Variants in MNAT1 observed in about 807,000 individuals in gnomAD.
MNAT1 encodes CDK-activating kinase assembly factor MAT1.
In MNAT1, 43 loss-of-function variants were observed where a neutral mutation model predicts 42.0. That is an observed-to-expected ratio of 1.02 (90% confidence interval 0.80 to 1.32). The LOEUF (loss-of-function observed/expected upper bound fraction) is 1.32. MNAT1 is among the 40% of genes most tolerant of loss of function. MNAT1 has a pLI of 0.00. For missense variants in MNAT1, 306 were observed against 350.4 expected (o/e 0.87, Z 1.01); for synonymous variants, 118 against 120.0 (o/e 0.98, Z 0.11).
At chr14:60,874,474 A>T (rs1188119063) in intron 6 of MNAT1, among the ~76,000 whole-genome samples, 1 of 150,984 alleles carries the variant, frequency 6.6e-6, no homozygotes, top group African/African-American at 2.4e-5. Flanking sequence ...TCTTTTATTG[A>T]TTCTTCCTCT....
At chr14:60,765,148 G>A (rs2030763370) in intron 1 of MNAT1, among the ~76,000 whole-genome samples, 1 of 152,194 alleles carries the variant, frequency 6.6e-6, no homozygotes, top group Non-Finnish European at 1.5e-5. Flanking sequence ...CTACTTGGGA[G>A]GCTGAGACAT....
chr14:60,820,760 G>A (rs950672096), intron 6 of MNAT1, among the ~76,000 whole-genome samples: 1 of 151,724 alleles, frequency 6.6e-6, no homozygotes, highest in Non-Finnish European at 1.5e-5. Context: ...TAAGCCTTTG[G>A]GTGGTTTCCT....
At chr14:60,915,145 A>C (rs1432533118) in intron 7 of MNAT1, among the ~76,000 whole-genome samples, 1 of 152,122 alleles carries the variant, frequency 6.6e-6, no homozygotes, top group Non-Finnish European at 1.5e-5. Context: ...TACTCTGCCC[A>C]GCTTCTAAAT....
intron 6 of MNAT1, among the ~76,000 whole-genome samples, chr14:60,825,111 A>G (rs1022197042): frequency 6.6e-6 from 1 of 152,180 alleles, no homozygotes; most frequent in African/African-American, 2.4e-5. Flanking sequence ...TAACTCATAT[A>G]TGTGATCTAG....
chr14:60,920,524 A>C (rs985102711), intron 7 of MNAT1, among the ~76,000 whole-genome samples: 1 of 152,006 alleles, frequency 6.6e-6, no homozygotes, highest in Non-Finnish European at 1.5e-5. Flanking sequence ...GGTGCAAGCA[A>C]TTCTCCTGCC....
At chr14:60,922,521 G>T (rs2035682735) in intron 7 of MNAT1, among the ~76,000 whole-genome samples, 1 of 151,810 alleles carries the variant, frequency 6.6e-6, no homozygotes, top group Non-Finnish European at 1.5e-5. Flanking sequence ...TTTATTTTTT[G>T]GCCTTTTGTT....
At chr14:60,779,987 C>A in intron 1 of MNAT1, 1 of 1,562,692 alleles carries the variant, frequency 6.4e-7, no homozygotes, top group Non-Finnish European at 8.8e-7. Flanking sequence ...CATGGCGCTG[C>A]AGCTCTCCCG....
At chr14:60,842,993 G>A (rs2033590535) in intron 6 of MNAT1, among the ~76,000 whole-genome samples, 1 of 152,146 alleles carries the variant, frequency 6.6e-6, no homozygotes, top group Non-Finnish European at 1.5e-5. Flanking sequence ...AAACTTGTAA[G>A]TCAAACCGTC....
chr14:60,964,868 A>G lies in MNAT1; in HGVS notation c.810-3361A>G, dbSNP rs117099027. Reference sequence around the variant, plus strand: ...ACTAAATTTTCATTGTGCTGTTTCAATGTGGCAGATTCTTTAAAATACTTC... The same window carrying G: ...ACTAAATTTTCATTGTGCTGTTTCAGTGTGGCAGATTCTTTAAAATACTTC... On this transcript the variant is annotated intron_variant, in intron 7 of 7. Transcript: ENST00000261245. 1.1e-3 allele frequency among the ~76,000 whole-genome samples: 170 copies of G among 152,366 alleles called. 1 individual carries two copies. In the East Asian group the frequency reaches 0.023, roughly 21 times the overall value.
At chr14:60,826,960 G>T (rs2033073733) in intron 6 of MNAT1, among the ~76,000 whole-genome samples, 1 of 151,832 alleles carries the variant, frequency 6.6e-6, no homozygotes, top group South Asian at 2.1e-4. Flanking sequence ...TTGGGAACAA[G>T]CGAAGGCACA....
At chr14:60,735,011 C>G in intron 1 of MNAT1, 60 bp downstream of exon 1, 1 of 1,507,310 alleles carries the variant, frequency 6.6e-7, no homozygotes. Flanking sequence ...AGGAGAGGAC[C>G]GGGAGATGCT....
intron 1 of MNAT1, among the ~76,000 whole-genome samples, chr14:60,794,045 GT>G (rs2031919290): frequency 1.3e-5 from 2 of 152,044 alleles, no homozygotes; most frequent in Admixed American, 6.6e-5. Flanking sequence ...AAATATTAAT[GT>G]TCTATATTAC....
intron 7 of MNAT1, among the ~76,000 whole-genome samples, chr14:60,891,643 G>A (rs948633711): frequency 1.3e-5 from 2 of 152,008 alleles, no homozygotes; most frequent in South Asian, 2.1e-4. Flanking sequence ...AGTAGAGACC[G>A]GGTTTTACCA....
intron 3 of MNAT1, among the ~76,000 whole-genome samples, chr14:60,801,932 A>G (rs939576542): frequency 9.9e-5 from 15 of 152,242 alleles, no homozygotes; most frequent in Non-Finnish European, 1.9e-4. Context: ...ACCATGGAAT[A>G]CTTCAGCCTT....
chr14:60,818,965 C>A, intron 6 of MNAT1, 118 bp downstream of exon 6: 3 of 1,190,600 alleles, frequency 2.5e-6, no homozygotes, highest in Non-Finnish European at 3.5e-6. Context: ...AGTGTCTGAT[C>A]TAGTTTTAGG....
At chr14:60,754,574 C>T (rs1375753566) in intron 1 of MNAT1, among the ~76,000 whole-genome samples, 1 of 152,048 alleles carries the variant, frequency 6.6e-6, no homozygotes, top group Non-Finnish European at 1.5e-5. Flanking sequence ...TGGTCTCGAT[C>T]TCCTGACCTT....
In MNAT1 at chr14:60,870,395, C is replaced by T. The variant is rs549393441; in HGVS notation, c.688-9319C>T. Among the ~76,000 whole-genome samples, 4 of 152,174 alleles carry T rather than the reference C, an allele frequency of 2.6e-5. No homozygotes were observed. In the East Asian group the frequency reaches 7.7e-4, roughly 29 times the overall value. Reference sequence around the variant, plus strand: ...TGTGGTTCTTCTCACTACATTTTTACTTTTAAAGCCTTATTTCTTTATCAA... The same window carrying T: ...TGTGGTTCTTCTCACTACATTTTTATTTTTAAAGCCTTATTTCTTTATCAA... On this transcript the variant is annotated intron_variant, in intron 6 of 7. Transcript: ENST00000261245.
chr14:60,904,182 T>C (rs1390038756), intron 7 of MNAT1, among the ~76,000 whole-genome samples: 2 of 152,216 alleles, frequency 1.3e-5, no homozygotes, highest in Non-Finnish European at 2.9e-5. Flanking sequence ...TAAGTTTATA[T>C]GTTAGTTTTA....
chr14:60,892,392 A>G (rs867946276), intron 7 of MNAT1, among the ~76,000 whole-genome samples: 1 of 152,090 alleles, frequency 6.6e-6, no homozygotes, highest in Admixed American at 6.6e-5. Context: ...GTTTTGCCTC[A>G]TATTAGTATT....
Sources: allele counts gnomAD v4.1 joint callset (sites outside exome capture counted in the v4.1 genomes callset), GRCh38; gene constraint gnomAD v4.1.1; transcripts MANE v1.5; gene names NCBI Gene and HGNC (gene_info 2026-07-23, HGNC 2026-07-21).